The following STAC variants were observed in gnomAD, a reference collection of about 807,000 sequenced individuals.
STAC encodes SH3 and cysteine-rich domain-containing protein.
In STAC, 43 loss-of-function variants were observed where a neutral mutation model predicts 48.8. The observed-to-expected ratio is 0.88, with a 90% CI of 0.69 to 1.14. The LOEUF (loss-of-function observed/expected upper bound fraction) is 1.14. Among genes scored for constraint, STAC ranks in the 50% most tolerant of loss-of-function variants. The probability of loss-of-function intolerance (pLI) is 0.00; values close to 1 mark genes in which losing one functional copy is unlikely to be tolerated. For missense variants in STAC, 497 were observed against 504.0 expected, an observed-to-expected ratio of 0.99 and a Z score of 0.13; for synonymous variants, 193 against 179.5, an observed-to-expected ratio of 1.07 and a Z score of -0.60.
chr3:36,396,784 A>T (rs1699866017), intron 1 of STAC, among the ~76,000 whole-genome samples: 1 of 152,152 alleles, frequency 6.6e-6, no homozygotes, highest in Admixed American at 6.5e-5. Context: ...TCTCCTAGTT[A>T]CTCAGAATCA....
intron 6 of STAC, among the ~76,000 whole-genome samples, chr3:36,501,822 T>C (rs1698290264): frequency 6.6e-6 from 1 of 152,130 alleles, no homozygotes; most frequent in South Asian, 2.1e-4. Context: ...AGGCTAGAAA[T>C]ATACTGACTT....
intron 1 of STAC, among the ~76,000 whole-genome samples, chr3:36,408,751 G>GAGA: frequency 6.6e-6 from 1 of 152,172 alleles, no homozygotes; most frequent in African/African-American, 2.4e-5. Context: ...GTAAAAGAAT[G>GAGA]GAGAGAACCT....
chr3:36,485,900 A>G, intron 4 of STAC: 1 of 361,386 alleles, frequency 2.8e-6, no homozygotes, highest in African/African-American at 2.1e-5. Flanking sequence ...TCAATCAGGA[A>G]GAATTCGGGA....
intron 2 of STAC, among the ~76,000 whole-genome samples, chr3:36,456,712 C>T (rs1696866013): frequency 1.3e-5 from 2 of 152,298 alleles, no homozygotes; most frequent in Middle Eastern, 3.4e-3. Flanking sequence ...TGTTCTCTCT[C>T]CTCTGAGGGC....
At chr3:36,434,985 A>C (rs1164579620) in intron 1 of STAC, among the ~76,000 whole-genome samples, 1 of 152,248 alleles carries the variant, frequency 6.6e-6, no homozygotes, top group Non-Finnish European at 1.5e-5. Context: ...ACCTTATGAA[A>C]GTCCATTTGG....
At chr3:36,505,013 G>A (rs1698368133) in intron 7 of STAC, among the ~76,000 whole-genome samples, 1 of 151,894 alleles carries the variant, frequency 6.6e-6, no homozygotes, top group Non-Finnish European at 1.5e-5. Flanking sequence ...CATTTATTTG[G>A]TTAGTAATAA....
rs998767216 is a variant in STAC at position 36,486,065 on chromosome 3, G to A, written c.572-69G>A. The A allele has an allele frequency of 2.3e-5, 27 of 1,176,246 alleles. No individual in the cohort carries two copies. The African/African-American group carries it at 2.4e-4, about 11-fold the overall frequency. The allele number at this position is 1,176,246 out of a possible 1,614,324, so 72.9% of individuals were successfully genotyped here. A position where few individuals can be genotyped will look rare whatever the true frequency, so the allele number is the denominator to read the frequency against. On this transcript the variant is annotated intron_variant, in intron 4 of 10. Transcript: ENST00000273183. ...CTTCTCAGGCGCTGTTCACCCAGGA[G>A]ATGTGGTAGGCAGTTGGCTGGGTCC...
At chr3:36,513,616 T>A (rs983297890) in intron 8 of STAC, among the ~76,000 whole-genome samples, 1 of 152,172 alleles carries the variant, frequency 6.6e-6, no homozygotes, top group Non-Finnish European at 1.5e-5. Flanking sequence ...CCTTCTCTAC[T>A]TTCTAATAAT....
Position 36,498,146 on chromosome 3 carries a change from T to C in STAC, c.766+4917T>C, listed in dbSNP as rs142100983. The stretch of plus-strand genomic sequence containing the variant: ...TATCAAATTAAGAAATATATAACTA[T>C]ATAATTGTATACATTTAAAATGTTA... On this transcript the variant is annotated intron_variant, in intron 6 of 10. Coordinates refer to ENST00000273183, the MANE Select transcript of STAC (RefSeq NM_003149.3). Among the ~76,000 whole-genome samples, 1,034 of 152,212 alleles carry C rather than the reference T, an allele frequency of 6.8e-3. 10 individuals carry two copies. Among genetic ancestry groups the C allele is most frequent in the African/African-American group, 0.024 (985 of 41,544 alleles).
At chr3:36,487,378 C>G (rs1172233810) in intron 5 of STAC, among the ~76,000 whole-genome samples, 1 of 152,252 alleles carries the variant, frequency 6.6e-6, no homozygotes, top group Admixed American at 6.5e-5. Context: ...TTTAAACTCA[C>G]TGAAAGCCCT....
At chr3:36,476,615 T>C (rs1697501399) in intron 2 of STAC, among the ~76,000 whole-genome samples, 1 of 152,216 alleles carries the variant, frequency 6.6e-6, no homozygotes, top group Non-Finnish European at 1.5e-5. Flanking sequence ...TTCCTTGTGT[T>C]AGTGTATATT....
chr3:36,532,640 G>A (rs1435949823), intron 10 of STAC, among the ~76,000 whole-genome samples: 2 of 151,994 alleles, frequency 1.3e-5, no homozygotes, highest in East Asian at 3.9e-4. Context: ...AATACCCCTG[G>A]AAACCTACTA....
chr3:36,450,855 T>C (rs181534973), intron 2 of STAC, among the ~76,000 whole-genome samples: 105 of 152,350 alleles, frequency 6.9e-4, no homozygotes, highest in Non-Finnish European at 1.3e-3. Context: ...AAAGCTTCTG[T>C]CATTAATTCT....
At chr3:36,395,933 A>T (rs1575172853) in intron 1 of STAC, among the ~76,000 whole-genome samples, 1 of 47,848 alleles carries the variant, frequency 2.1e-5, no homozygotes, top group South Asian at 6.4e-4. Context: ...CACAAAGTTT[A>T]AAAAAAAAAA....
At chr3:36,415,174 G>A (rs1700291051) in intron 1 of STAC, among the ~76,000 whole-genome samples, 1 of 152,212 alleles carries the variant, frequency 6.6e-6, no homozygotes, top group Non-Finnish European at 1.5e-5. Flanking sequence ...CGTACTGGGA[G>A]AACCACTACT....
At chr3:36,514,761 G>A (rs568577438) in intron 8 of STAC, among the ~76,000 whole-genome samples, 2 of 152,144 alleles carry the variant, frequency 1.3e-5, no homozygotes, top group Admixed American at 6.6e-5. Flanking sequence ...TAGGCCGGGC[G>A]CAGTGGCTCA....
intron 1 of STAC, among the ~76,000 whole-genome samples, chr3:36,403,554 C>A: frequency 6.7e-6 from 1 of 149,114 alleles, no homozygotes; most frequent in Non-Finnish European, 1.5e-5. Flanking sequence ...AAGGAATGAG[C>A]AATGAAAGTA....
chr3:36,544,466 G>C (rs538699319), intron 10 of STAC, among the ~76,000 whole-genome samples: 1 of 151,924 alleles, frequency 6.6e-6, no homozygotes, highest in Non-Finnish European at 1.5e-5. Context: ...CACCGCACCC[G>C]GCCAGGTGTC....
chr3:36,428,735 A>C (rs1700624028), intron 1 of STAC, among the ~76,000 whole-genome samples: 1 of 152,186 alleles, frequency 6.6e-6, no homozygotes, highest in Non-Finnish European at 1.5e-5. Context: ...TGTGATCAGC[A>C]AGGAGGCCAG....
Sources: allele counts gnomAD v4.1 joint callset (sites outside exome capture counted in the v4.1 genomes callset), GRCh38; gene constraint gnomAD v4.1.1; transcripts MANE v1.5; gene names NCBI Gene and HGNC (gene_info 2026-07-23, HGNC 2026-07-21).